MINPP1: variants seen among roughly 807,000 people sequenced by gnomAD.
MINPP1 encodes the protein multiple inositol polyphosphate phosphatase 1.
Under a neutral mutation model 46.1 loss-of-function variants are expected in MINPP1, and 28 were observed. That is an observed-to-expected ratio of 0.61 (90% CI 0.45 to 0.83). MINPP1 has a LOEUF of 0.83. MINPP1 is among the 40% of genes least tolerant of loss of function. MINPP1 has a pLI of 0.00. For synonymous variants in MINPP1, 268 were observed against 249.1 expected (o/e 1.08, Z -0.72); for missense variants, 603 against 610.0 (o/e 0.99, Z 0.12).
intron 2 of MINPP1, among the ~76,000 whole-genome samples, chr10:87,512,589 C>A (rs145455093): frequency 3.9e-5 from 6 of 152,272 alleles, no homozygotes; most frequent in African/African-American, 1.4e-4. Context: ...ATTTTCAAGT[C>A]GGGTACTAAA....
Position 87,511,855 on chromosome 10 carries a change from A to G in MINPP1, c.836-1269A>G, listed in dbSNP as rs147560105. ...GTACCTGGTACTTACAAGCCACTATATTGTATCAGGTATTGAGATTATAAA... is the reference window on the plus strand; with the variant it reads ...GTACCTGGTACTTACAAGCCACTATGTTGTATCAGGTATTGAGATTATAAA... On this transcript the variant is annotated intron_variant, in intron 2 of 4. Coordinates refer to ENST00000371996, the MANE Select transcript of MINPP1 (RefSeq NM_004897.5). 2.0e-4 allele frequency among the ~76,000 whole-genome samples: 31 copies of G among 152,324 alleles called. No individual in the cohort carries two copies. In the East Asian group the frequency reaches 5.8e-3, roughly 28 times the overall value.
chr10:87,508,285 G>C, intron 1 of MINPP1, 51 bp from the exon 2 acceptor site: 1 of 1,599,420 alleles, frequency 6.3e-7, no homozygotes, highest in Non-Finnish European at 8.5e-7. Flanking sequence ...ATTTGAAACT[G>C]TCATTTATGT....
chr10:87,512,416 C>T (rs549735925), intron 2 of MINPP1, among the ~76,000 whole-genome samples: 2 of 151,978 alleles, frequency 1.3e-5, no homozygotes, highest in Non-Finnish European at 2.9e-5. Context: ...CCTTGGCTGT[C>T]TCTCCTTTCT....
At chr10:87,551,524 G>T (rs1239708531) in intron 4 of MINPP1, among the ~76,000 whole-genome samples, 1 of 151,942 alleles carries the variant, frequency 6.6e-6, no homozygotes, top group Non-Finnish European at 1.5e-5. Flanking sequence ...GAGACACATT[G>T]TTTCAGCCAC....
Position 87,505,416 on chromosome 10 carries a change from C to T in MINPP1, c.501C>T (p.Ala167=). 1 of 1,613,874 alleles carries T rather than the reference C, an allele frequency of 6.2e-7. No individual in the cohort carries two copies. The highest frequency in any genetic ancestry group is 8.5e-7 in the Non-Finnish European group (1 of 1,179,928). The change falls in exon 1 of 5, where the codon GCC becomes GCT. Residue 167 remains alanine, a synonymous_variant. Coordinates refer to ENST00000371996, the MANE Select transcript of MINPP1 (RefSeq NM_004897.5). The surrounding 1 kb of genome is among the most constrained non-coding windows in gnomAD (Gnocchi z 4.4). Reference sequence around the variant, plus strand: ...TGCGTCTGGCCTCGCTCTTCCCGGCCCTTTTCAGCCGTGAGAACTACGGCC... The same window carrying T: ...TGCGTCTGGCCTCGCTCTTCCCGGCTCTTTTCAGCCGTGAGAACTACGGCC... The part of the protein sequence containing the change: ...LALRLASLFP[A]LFSRENYGRL...
intron 3 of MINPP1, among the ~76,000 whole-genome samples, chr10:87,514,343 T>C (rs1403240853): frequency 6.6e-6 from 1 of 152,250 alleles, no homozygotes; most frequent in Non-Finnish European, 1.5e-5. Flanking sequence ...GTATATCATA[T>C]ATATCACAAT....
At chr10:87,519,223 G>A (rs908989656) in intron 3 of MINPP1, among the ~76,000 whole-genome samples, 2 of 152,154 alleles carry the variant, frequency 1.3e-5, no homozygotes, top group Non-Finnish European at 2.9e-5. Flanking sequence ...CCTGGTTTTC[G>A]AAGAGGGATA....
intron 4 of MINPP1, among the ~76,000 whole-genome samples, chr10:87,538,465 T>C (rs1851769585): frequency 6.6e-6 from 1 of 152,242 alleles, no homozygotes; most frequent in South Asian, 2.1e-4. Flanking sequence ...TGTTCAGCTT[T>C]CTGGTACTTT....
chr10:87,540,478 CTCTG>C (rs1303055422), intron 4 of MINPP1, among the ~76,000 whole-genome samples: 38 of 126,182 alleles, frequency 3.0e-4, no homozygotes, highest in African/African-American at 1.1e-3. Context: ...CTGTCTCTGT[CTCTG>C]TCTCTCTCTC....
intron 4 of MINPP1, among the ~76,000 whole-genome samples, chr10:87,529,671 A>G (rs1489433279): frequency 1.3e-5 from 2 of 152,096 alleles, no homozygotes; most frequent in Non-Finnish European, 2.9e-5. Flanking sequence ...TGAATCTGAC[A>G]ATTATGTGTC....
chr10:87,549,502 T>C (rs879475428), intron 4 of MINPP1, among the ~76,000 whole-genome samples: 1 of 152,236 alleles, frequency 6.6e-6, no homozygotes, highest in Non-Finnish European at 1.5e-5. Flanking sequence ...AAAAAGCAGC[T>C]GGTCTGAGCG....
intron 4 of MINPP1, among the ~76,000 whole-genome samples, chr10:87,550,033 A>T (rs756087315): frequency 9.2e-5 from 14 of 152,168 alleles, no homozygotes; most frequent in Non-Finnish European, 1.5e-4. Flanking sequence ...GTGGAATGAT[A>T]CATGTGCTGT....
intron 1 of MINPP1, among the ~76,000 whole-genome samples, chr10:87,507,505 G>T (rs1177167917): frequency 7.0e-6 from 1 of 141,852 alleles, no homozygotes; most frequent in Non-Finnish European, 1.5e-5. Flanking sequence ...GATTTTTTTT[G>T]CATACACATC....
At position 87,505,636 on chromosome 10, in the gene MINPP1, T is replaced by C; in HGVS notation, c.637+84T>C. ...CCCGCCTCCCCCAGACCCTGGGCTTTTCCGATGCCCCCCAGTTCTCTTTCC... is the reference window on the plus strand; with the variant it reads ...CCCGCCTCCCCCAGACCCTGGGCTTCTCCGATGCCCCCCAGTTCTCTTTCC... On this transcript the variant is annotated intron_variant, in intron 1 of 4. Coordinates refer to ENST00000371996, the MANE Select transcript of MINPP1 (RefSeq NM_004897.5). This position sits in a 1 kb window ranked among gnomAD's most constrained non-coding sequence, Gnocchi z 4.4. 7.9e-7 allele frequency: 1 copy of C among 1,270,198 alleles called. No homozygotes were observed. The highest frequency in any genetic ancestry group is 1.3e-5 in the South Asian group (1 of 75,330). The allele number at this position is 1,270,198 out of a possible 1,614,324, so 78.7% of individuals were successfully genotyped here. A position where few individuals can be genotyped will look rare whatever the true frequency, so the allele number is the denominator to read the frequency against.
intron 4 of MINPP1, among the ~76,000 whole-genome samples, chr10:87,537,511 TTGTGTGTGTGTG>T (rs1554853571): frequency 1.2e-5 from 1 of 85,106 alleles, no homozygotes; most frequent in Admixed American, 1.0e-4. Context: ...TTATTACTGT[TTGTGTGTGTGTG>T]TGTGTGTGTG....
chr10:87,505,037 C>T lies in MINPP1; in HGVS notation c.122C>T (p.Ser41Leu), dbSNP rs119486096. ...SLLEPRDPVA[S>L]SLSPYFGTKT... ...CTAGAGCCGAGGGACCCGGTGGCCT[C>T]GTCGCTCAGCCCCTATTTCGGCACC... The change falls in exon 1 of 5, where the codon TCG becomes TTG. Residue 41 changes from serine to leucine, a missense_variant. Ser to Leu is a moderately radical substitution (Grantham distance 145). Transcript: ENST00000371996. The surrounding 1 kb of genome is among the most constrained non-coding windows in gnomAD (Gnocchi z 4.4). 3.7e-6 allele frequency: 6 copies of T among 1,613,244 alleles called. No homozygotes were observed. Among genetic ancestry groups the T allele is most frequent in the Non-Finnish European group, 5.1e-6 (6 of 1,179,902 alleles).
intron 2 of MINPP1, among the ~76,000 whole-genome samples, chr10:87,512,252 T>C (rs1851345348): frequency 6.6e-6 from 1 of 152,230 alleles, no homozygotes; most frequent in Admixed American, 6.5e-5. Context: ...TATCTCAAAG[T>C]AATGTAATCA....
At chr10:87,535,600 C>G (rs77954815) in intron 4 of MINPP1, among the ~76,000 whole-genome samples, 4,219 of 152,180 alleles carry the variant, frequency 0.028, 187 homozygotes, top group African/African-American at 0.091. Context: ...CAGAGAAAAA[C>G]AGTATACTTT....
chr10:87,524,895 A>G (rs772974010), intron 4 of MINPP1, among the ~76,000 whole-genome samples: 24 of 152,232 alleles, frequency 1.6e-4, no homozygotes, highest in Non-Finnish European at 1.9e-4. Flanking sequence ...ACAGATCACC[A>G]TAACAGATAT....
Sources: allele counts gnomAD v4.1 joint callset (sites outside exome capture counted in the v4.1 genomes callset), GRCh38; gene constraint gnomAD v4.1.1; non-coding constraint Gnocchi (gnomAD v3.1); transcripts MANE v1.5; gene names NCBI Gene and HGNC (gene_info 2026-07-23, HGNC 2026-07-21).